Variants in GRM8 observed in about 807,000 individuals in gnomAD.
GRM8 encodes glutamate metabotropic receptor 8, also known as metabotropic glutamate receptor 8.
A neutral mutation model predicts 87.2 loss-of-function variants in GRM8; 47 were observed. The ratio of observed to expected loss-of-function variants is 0.54; its 90% CI spans 0.43 to 0.69. GRM8 has a LOEUF of 0.69. Ranked by LOEUF, GRM8 falls within the 30% of genes least tolerant of loss-of-function variation. The pLI, the probability that GRM8 is intolerant of heterozygous loss-of-function variation, is 0.00. For missense variants in GRM8, 1,019 were observed against 1,139.2 expected (o/e 0.89, Z 1.52); for synonymous variants, 396 against 404.5 (o/e 0.98, Z 0.25).
intron 2 of GRM8, among the ~76,000 whole-genome samples, chr7:127,162,358 C>A (rs1793169663): frequency 6.6e-6 from 1 of 152,190 alleles, no homozygotes; most frequent in Admixed American, 6.5e-5. Context: ...CTCACCCATA[C>A]CTCCGTTCAG....
chr7:126,506,231 G>T (rs2150720855), intron 9 of GRM8, among the ~76,000 whole-genome samples: 1 of 150,604 alleles, frequency 6.6e-6, no homozygotes, highest in African/African-American at 2.4e-5. Flanking sequence ...ACGTATGATT[G>T]TGTGTGTGTG....
intron 3 of GRM8, among the ~76,000 whole-genome samples, chr7:127,012,704 T>C (rs1815018534): frequency 1.3e-5 from 2 of 152,148 alleles, no homozygotes; most frequent in Non-Finnish European, 2.9e-5. Flanking sequence ...TAATTGGAAA[T>C]AAATACTTCA....
chr7:126,661,333 A>G (rs1167646216), intron 7 of GRM8, among the ~76,000 whole-genome samples: 1 of 152,218 alleles, frequency 6.6e-6, no homozygotes, highest in African/African-American at 2.4e-5. Flanking sequence ...ACTTAAAAAA[A>G]TCTCTTTATT....
At chr7:127,157,975 T>C (rs1011086720) in intron 2 of GRM8, among the ~76,000 whole-genome samples, 1 of 152,072 alleles carries the variant, frequency 6.6e-6, no homozygotes, top group African/African-American at 2.4e-5. Context: ...GTGATGGCAA[T>C]GTGCTCTAAA....
At chr7:127,188,522 C>T (rs1467027277) in intron 2 of GRM8, among the ~76,000 whole-genome samples, 5 of 152,100 alleles carry the variant, frequency 3.3e-5, no homozygotes, top group South Asian at 2.1e-4. Context: ...GACAAACACT[C>T]ACCTTGAAAA....
chr7:126,871,228 C>T (rs542973138), intron 6 of GRM8, among the ~76,000 whole-genome samples: 3 of 152,134 alleles, frequency 2.0e-5, no homozygotes, highest in South Asian at 2.1e-4. Flanking sequence ...TGAATAGAAT[C>T]GTTCTCTATA....
intron 8 of GRM8, among the ~76,000 whole-genome samples, chr7:126,565,436 G>A (rs1290881147): frequency 2.6e-5 from 4 of 152,032 alleles, no homozygotes; most frequent in African/African-American, 7.2e-5. Context: ...TGGGAAAACA[G>A]TCTCACTTAC....
At chr7:126,641,023 G>T (rs528947266) in intron 7 of GRM8, among the ~76,000 whole-genome samples, 3 of 151,964 alleles carry the variant, frequency 2.0e-5, no homozygotes, top group East Asian at 1.9e-4. Context: ...AAAGAAAATT[G>T]GTATAAATGC....
At chr7:126,863,816 A>G (rs1563260470) in intron 6 of GRM8, among the ~76,000 whole-genome samples, 2 of 151,972 alleles carry the variant, frequency 1.3e-5, no homozygotes, top group Non-Finnish European at 2.9e-5. Flanking sequence ...CATTCATTTT[A>G]GTTCATAATG....
chr7:126,878,127 T>C (rs868860001), intron 6 of GRM8, among the ~76,000 whole-genome samples: 2 of 152,180 alleles, frequency 1.3e-5, no homozygotes, highest in Non-Finnish European at 2.9e-5. Flanking sequence ...TCATTCACCA[T>C]GTTAATGACC....
rs532169972 is a variant in GRM8 at position 127,243,485 on chromosome 7, C to T, written c.-281G>A. 4 of 411,026 alleles carry T rather than the reference C, an allele frequency of 9.7e-6. No homozygotes were observed. Among genetic ancestry groups the T allele is most frequent in the Non-Finnish European group, 1.7e-5 (4 of 231,914 alleles). 25.5% of individuals were successfully genotyped at this position (411,026 alleles called of 1,614,324 possible). A position where few individuals can be genotyped will look rare whatever the true frequency, so the allele number is the denominator to read the frequency against. On this transcript the variant is annotated 5_prime_UTR_variant, in exon 2 of 11. Transcript: ENST00000339582. ...TTGGGATGAGGTCAACAATTCATGT[C>T]CTTGAAATCAGCCTTGTAGCAGAAT...
At chr7:126,561,613 T>A (rs2150960039) in intron 8 of GRM8, among the ~76,000 whole-genome samples, 1 of 151,922 alleles carries the variant, frequency 6.6e-6, no homozygotes, top group African/African-American at 2.4e-5. Context: ...TTATTTATTT[T>A]TTTATTATTT....
At chr7:127,037,628 C>T (rs1420263527) in intron 3 of GRM8, among the ~76,000 whole-genome samples, 2 of 152,198 alleles carry the variant, frequency 1.3e-5, no homozygotes, top group African/African-American at 2.4e-5. Context: ...TTTGCTGTCT[C>T]ACAATTTCAA....
intron 6 of GRM8, among the ~76,000 whole-genome samples, chr7:126,844,836 A>G (rs1254548587): frequency 6.6e-6 from 1 of 152,138 alleles, no homozygotes; most frequent in East Asian, 1.9e-4. Flanking sequence ...TTGGATTAGG[A>G]CTTCACTCTT....
chr7:126,866,947 T>C (rs1373301731), intron 6 of GRM8, among the ~76,000 whole-genome samples: 2 of 152,126 alleles, frequency 1.3e-5, no homozygotes, highest in African/African-American at 2.4e-5. Flanking sequence ...GGTTATCACC[T>C]GTAACAGTCT....
At chr7:126,684,401 A>G (rs1297206364) in intron 7 of GRM8, among the ~76,000 whole-genome samples, 2 of 152,172 alleles carry the variant, frequency 1.3e-5, no homozygotes, top group African/African-American at 4.8e-5. Flanking sequence ...ATCCTCCTTC[A>G]CACTTTGATG....
At chr7:126,857,134 A>G (rs1490598080) in intron 6 of GRM8, among the ~76,000 whole-genome samples, 4 of 152,230 alleles carry the variant, frequency 2.6e-5, no homozygotes, top group Non-Finnish European at 5.9e-5. Flanking sequence ...AACTATGCCT[A>G]TTCTAGAAGG....
intron 3 of GRM8, chr7:127,084,336 G>A (rs941763788): frequency 5.9e-5 from 9 of 152,182 alleles, no homozygotes; most frequent in African/African-American, 2.2e-4. Context: ...ACACAAAACA[G>A]AATAGGAGTT....
intron 7 of GRM8, among the ~76,000 whole-genome samples, chr7:126,683,877 T>C (rs1186549755): frequency 2.0e-5 from 3 of 152,228 alleles, no homozygotes; most frequent in African/African-American, 7.2e-5. Context: ...GAGAATGAAT[T>C]TGGACTGCAC....
Sources: allele counts gnomAD v4.1 joint callset (sites outside exome capture counted in the v4.1 genomes callset), GRCh38; gene constraint gnomAD v4.1.1; transcripts MANE v1.5; gene names NCBI Gene and HGNC (gene_info 2026-07-23, HGNC 2026-07-21).